The following DEPTOR variants were observed in gnomAD, a reference collection of about 807,000 sequenced individuals.
DEPTOR encodes the protein DEP domain-containing mTOR-interacting protein.
Under a neutral mutation model 41.6 loss-of-function variants are expected in DEPTOR, and 41 were observed. That is an observed-to-expected ratio of 0.98 (90% CI 0.77 to 1.28). DEPTOR has a LOEUF of 1.28. Ranked by LOEUF, DEPTOR falls within the 50% of genes most tolerant of loss-of-function variation. The pLI is 0.00. For synonymous variants in DEPTOR, 195 were observed against 192.3 expected, an observed-to-expected ratio of 1.01 and a Z score of -0.12; for missense variants, 514 against 527.9, an observed-to-expected ratio of 0.97 and a Z score of 0.26.
intron 8 of DEPTOR, among the ~76,000 whole-genome samples, chr8:120,010,964 T>C (rs1812524185): frequency 6.6e-6 from 1 of 152,234 alleles, no homozygotes; most frequent in South Asian, 2.1e-4. Context: ...TATTTCTGTC[T>C]TGATTATCCA....
At chr8:119,928,318 T>G (rs1827988999) in intron 1 of DEPTOR, 82 bp from the exon 2 acceptor site, 15 of 1,439,942 alleles carry the variant, frequency 1.0e-5, no homozygotes, top group Non-Finnish European at 1.4e-5. Context: ...AGAACTTCTG[T>G]TATGTTATTA....
At chr8:119,886,504 T>C (rs549175641) in intron 1 of DEPTOR, among the ~76,000 whole-genome samples, 1 of 149,694 alleles carries the variant, frequency 6.7e-6, no homozygotes, top group Non-Finnish European at 1.5e-5. Flanking sequence ...CACACACATA[T>C]ACACACAGAT....
chr8:119,956,871 AT>A (rs1167757674), intron 3 of DEPTOR, among the ~76,000 whole-genome samples: 3 of 151,600 alleles, frequency 2.0e-5, no homozygotes, highest in Admixed American at 6.6e-5. Context: ...AGCAGCTGGG[AT>A]TATAGGCACC....
In DEPTOR at chr8:120,049,815, G is replaced by A. The variant is rs551920178; in HGVS notation, c.*111G>A. The A allele has an allele frequency of 9.3e-6, 13 of 1,400,904 alleles. No homozygotes were observed. In the East Asian group the frequency reaches 2.2e-4, roughly 23 times the overall value. The allele number at this position is 1,400,904 out of a possible 1,614,324, so 86.8% of individuals were successfully genotyped here. Reference sequence around the variant, plus strand: ...CAAATGGATGGTTTTGGACATACGAGTCTTCTCCGCACATACATGTCTAAA... The same window carrying A: ...CAAATGGATGGTTTTGGACATACGAATCTTCTCCGCACATACATGTCTAAA... On this transcript the variant is annotated 3_prime_UTR_variant, in exon 9 of 9. Coordinates refer to ENST00000286234, the MANE Select transcript of DEPTOR (RefSeq NM_022783.4).
At chr8:120,042,069 C>G (rs988079350) in intron 8 of DEPTOR, among the ~76,000 whole-genome samples, 3 of 147,780 alleles carry the variant, frequency 2.0e-5, no homozygotes, top group Non-Finnish European at 3.0e-5. Flanking sequence ...TCTTTGGAAA[C>G]AGATCCGATA....
chr8:120,016,937 T>G (rs564067173), intron 8 of DEPTOR, among the ~76,000 whole-genome samples: 64 of 152,174 alleles, frequency 4.2e-4, no homozygotes, highest in Non-Finnish European at 8.2e-4. Flanking sequence ...CTGGGAATAC[T>G]CAAACGTTCA....
chr8:119,983,858 C>G (rs1042289382), intron 4 of DEPTOR, among the ~76,000 whole-genome samples: 1 of 152,114 alleles, frequency 6.6e-6, no homozygotes, highest in African/African-American at 2.4e-5. Context: ...TCTTCCTTTT[C>G]TGAACTTTAG....
intron 1 of DEPTOR, among the ~76,000 whole-genome samples, chr8:119,900,030 A>G (rs1384693232): frequency 2.6e-5 from 4 of 152,174 alleles, no homozygotes; most frequent in African/African-American, 9.7e-5. Flanking sequence ...GACAAAAATT[A>G]TAGATGTCGG....
intron 4 of DEPTOR, among the ~76,000 whole-genome samples, chr8:119,992,118 A>G (rs1368059969): frequency 3.3e-5 from 5 of 152,222 alleles, no homozygotes; most frequent in Non-Finnish European, 7.3e-5. Flanking sequence ...AGCAATGTCT[A>G]TCAGGGCTAG....
chr8:119,919,952 T>A (rs1442159949), intron 1 of DEPTOR, among the ~76,000 whole-genome samples: 1 of 152,186 alleles, frequency 6.6e-6, no homozygotes, highest in Admixed American at 6.5e-5. Flanking sequence ...CTGCACCCAG[T>A]AATGTTTGTT....
chr8:120,000,941 G>A (rs1812338524), intron 4 of DEPTOR, among the ~76,000 whole-genome samples: 1 of 151,848 alleles, frequency 6.6e-6, no homozygotes, highest in Admixed American at 6.6e-5. Context: ...GCCAGGTGTG[G>A]TGGTGGGCAC....
intron 3 of DEPTOR, among the ~76,000 whole-genome samples, chr8:119,961,571 A>C (rs1198342446): frequency 6.6e-6 from 1 of 152,150 alleles, no homozygotes; most frequent in Non-Finnish European, 1.5e-5. Context: ...ATCATATGGC[A>C]TTCAGGTACA....
intron 8 of DEPTOR, among the ~76,000 whole-genome samples, chr8:120,020,024 C>G (rs753049293): frequency 6.6e-6 from 1 of 152,110 alleles, no homozygotes; most frequent in Non-Finnish European, 1.5e-5. Flanking sequence ...CCCCACTTTC[C>G]GAAATCTCCA....
In DEPTOR at chr8:120,002,776, C is replaced by CA. The variant is rs1173820465; in HGVS notation, c.791-185dup. 1.9e-3 allele frequency among the ~76,000 whole-genome samples: 105 copies of CA among 54,442 alleles called. 2 individuals carry two copies. The highest frequency in any genetic ancestry group is 5.2e-3 in the East Asian group (8 of 1,530). The allele number at this position is 54,442 out of a possible 152,430, so 35.7% of individuals were successfully genotyped here. On this transcript the variant is annotated intron_variant, in intron 5 of 8. Coordinates refer to ENST00000286234, the MANE Select transcript of DEPTOR (RefSeq NM_022783.4). ...TGTGCAACAGGGCAAGACTCCATCT[C>CA]AAAAAAAAAAAAAAAATATATATAT...
At chr8:120,011,840 G>A (rs1195045679) in intron 8 of DEPTOR, among the ~76,000 whole-genome samples, 1 of 152,102 alleles carries the variant, frequency 6.6e-6, no homozygotes, top group African/African-American at 2.4e-5. Flanking sequence ...TGGTTTATAT[G>A]TTTAGTTTCT....
intron 4 of DEPTOR, among the ~76,000 whole-genome samples, chr8:119,990,355 C>T (rs1027548381): frequency 6.6e-6 from 1 of 152,118 alleles, no homozygotes; most frequent in African/African-American, 2.4e-5. Context: ...GACGGGGTTT[C>T]ATCGTGTTAG....
At chr8:119,947,859 C>G (rs1828302752) in intron 3 of DEPTOR, among the ~76,000 whole-genome samples, 1 of 152,080 alleles carries the variant, frequency 6.6e-6, no homozygotes, top group Admixed American at 6.6e-5. Flanking sequence ...GCATTTCTGA[C>G]CTAATCTTTA....
intron 8 of DEPTOR, among the ~76,000 whole-genome samples, chr8:120,029,568 G>A (rs550048166): frequency 6.6e-6 from 1 of 152,012 alleles, no homozygotes; most frequent in Non-Finnish European, 1.5e-5. Context: ...GCTAATTTTT[G>A]TGTTTTTAGT....
chr8:119,905,740 A>C (rs1321820474), intron 1 of DEPTOR, among the ~76,000 whole-genome samples: 3 of 151,590 alleles, frequency 2.0e-5, no homozygotes, highest in African/African-American at 7.3e-5. Context: ...TCTCAGGTTC[A>C]AGCGATTCTC....
Sources: gnomAD v4.1 joint callset for allele counts (sites outside exome capture counted in the v4.1 genomes callset) on GRCh38, gnomAD v4.1.1 for gene constraint, MANE v1.5 for transcripts, NCBI Gene and HGNC (gene_info 2026-07-23, HGNC 2026-07-21) for gene names.